RGS4: variants seen among roughly 807,000 people sequenced by gnomAD.
RGS4 encodes the protein schizophrenia disorder 9.
Under a neutral mutation model 21.6 loss-of-function variants are expected in RGS4, and 15 were observed. The observed-to-expected ratio is 0.69, with a 90% CI of 0.46 to 1.07. The LOEUF is 1.07. Among genes scored for constraint, RGS4 ranks in the 50% least tolerant of loss-of-function variants. RGS4 has a pLI of 0.00. For synonymous variants in RGS4, 94 were observed against 85.5 expected (o/e 1.10, Z -0.55); for missense variants, 237 against 239.0 (o/e 0.99, Z 0.06).
At position 163,072,464 on chromosome 1, in the gene RGS4, C is replaced by T. The variant is rs753123481; in HGVS notation, c.114C>T (p.Ser38=). 21 of 1,613,034 alleles carry T rather than the reference C, an allele frequency of 1.3e-5. No homozygotes were observed. In the Admixed American group the frequency reaches 3.5e-4, roughly 27 times the overall value. The change falls in exon 2 of 5, where the codon TCC becomes TCT. Residue 38 remains serine, a synonymous_variant. Transcript: ENST00000367909. ...CTGATTCCTGTGAACACAATTCTTC[C>T]CACAACAAGAAGGACAAAGTGGTTA... ...QKSDSCEHNS[S]HNKKDKVVIC... is the part of the protein sequence containing the mutation.
Position 163,072,514 on chromosome 1 carries a change from C to G in RGS4, c.149+15C>G. ...ATTTGCCAGAGGTAAGAGAAAAGGC[C>G]TTGGTGAAGATGTACTTAGTATTAA... is the stretch of plus-strand genomic sequence containing the variant. On this transcript the variant is annotated intron_variant, in intron 2 of 4. Coordinates refer to ENST00000367909, the MANE Select transcript of RGS4 (RefSeq NM_005613.6). 1 of 1,528,376 alleles carries G rather than the reference C, an allele frequency of 6.5e-7. No individual in the cohort carries two copies. Among genetic ancestry groups the G allele is most frequent in the Middle Eastern group, 1.7e-4 (1 of 5,882 alleles). 94.7% of individuals were successfully genotyped at this position (1,528,376 alleles called of 1,614,324 possible).
In RGS4 at chr1:163,076,374, T is replaced by A. The variant is rs1163300756; in HGVS notation, c.*1814T>A. The A allele has an allele frequency of 2.0e-5, 3 of 152,624 alleles. No homozygotes were observed. Among genetic ancestry groups the A allele is most frequent in the African/African-American group, 7.2e-5 (3 of 41,456 alleles). The allele number at this position is 152,624 out of a possible 1,614,324, so 9.5% of individuals were successfully genotyped here. On this transcript the variant is annotated 3_prime_UTR_variant, in exon 5 of 5. Transcript: ENST00000367909. ...TGTACCCTTCTTGTCTCTCTGGCAA[T>A]CTTGCCCTTAATATCCCTGGAGTTC... is the stretch of plus-strand genomic sequence containing the variant.
chr1:163,069,593 G>A (rs539878649), intron 1 of RGS4, 65 bp downstream of exon 1: 8 of 1,347,828 alleles, frequency 5.9e-6, no homozygotes, highest in Admixed American at 1.8e-5. Context: ...TTATTTACAT[G>A]TTGTACTTAC....
rs769645711 is a variant in RGS4, at chr1:163,074,620, C to T, written c.*60C>T. ...ACTCTATGCTCTGGAAAACCTGAGGCCAAATATTGATCTGTATTAAGCTCC... is the reference window on the plus strand; with the variant it reads ...ACTCTATGCTCTGGAAAACCTGAGGTCAAATATTGATCTGTATTAAGCTCC... On this transcript the variant is annotated 3_prime_UTR_variant, in exon 5 of 5. Coordinates refer to ENST00000367909, the MANE Select transcript of RGS4 (RefSeq NM_005613.6). 1.3e-5 allele frequency: 21 copies of T among 1,610,948 alleles called. No homozygotes were observed. The highest frequency in any genetic ancestry group is 1.1e-4 in the South Asian group (10 of 91,050).
intron 1 of RGS4, chr1:163,072,030 TA>T: frequency 1.0e-6 from 1 of 996,194 alleles, no homozygotes; most frequent in Non-Finnish European, 1.2e-6. Flanking sequence ...TTCTGATTCC[TA>T]AAAATTACTC....
intron 1 of RGS4, chr1:163,071,936 G>C (rs1328569145): frequency 2.1e-6 from 2 of 969,824 alleles, no homozygotes; most frequent in Non-Finnish European, 2.4e-6. Context: ...AGTTCCCTCT[G>C]CCAGCAGGGG....
At chr1:163,071,963 A>C in intron 1 of RGS4, 1 of 984,412 alleles carries the variant, frequency 1.0e-6, no homozygotes, top group Non-Finnish European at 1.2e-6. Context: ...TGGAAATAGC[A>C]ATCACCTGCC....
At chr1:163,069,248 TC>T (rs1352000839), upstream of RGS4, 1 of 1,547,336 alleles carries the variant, frequency 6.5e-7, no homozygotes, top group Admixed American at 2.0e-5. Flanking sequence ...CTCATCTCTT[TC>T]AGGGGCTGGA....
Position 163,073,556 on chromosome 1 carries a change from A to G in RGS4, c.312A>G (p.Pro104=). The change falls in exon 4 of 5, where the codon CCA becomes CCG. Residue 104 remains proline (P), a synonymous_variant. Coordinates refer to ENST00000367909, the MANE Select transcript of RGS4 (RefSeq NM_005613.6). ...SCEEYKKIKS[P]SKLSPKAKKI... ...AAGAGTACAAGAAAATCAAATCACC[A>G]TCTAAACTAAGTCCCAAGGCCAAAA... is the stretch of plus-strand genomic sequence containing the variant. 6.2e-7 allele frequency: 1 copy of G among 1,612,418 alleles called. No homozygotes were observed. Among genetic ancestry groups the G allele is most frequent in the Admixed American group, 1.7e-5 (1 of 59,618 alleles).
Position 163,075,102 on chromosome 1 carries a change from TACACACAC to T in RGS4, c.*563_*570del, listed in dbSNP as rs5778313. The T allele has an allele frequency of 0.018, 2,836 of 156,154 alleles. 70 individuals carry two copies. The highest frequency in any genetic ancestry group is 0.055 in the Admixed American group (919 of 16,608). 9.7% of individuals were successfully genotyped at this position (156,154 alleles called of 1,614,324 possible). A position where few individuals can be genotyped will look rare whatever the true frequency, so the allele number is the denominator to read the frequency against. On this transcript the variant is annotated 3_prime_UTR_variant, in exon 5 of 5. Coordinates refer to ENST00000367909, the MANE Select transcript of RGS4 (RefSeq NM_005613.6). ...ACATATGTATGTGTGAGTGTATGTA[TACACACAC>T]ACACACACACACACACACACTTTTG...
chr1:163,073,616 C>T lies in RGS4; in HGVS notation c.372C>T (p.Thr124=). 1 of 1,585,778 alleles carries T rather than the reference C, an allele frequency of 6.3e-7. No homozygotes were observed. ...IYNEFISVQA[T]KEVNLDSCTR... ...ATGAATTCATCTCAGTCCAGGCAAC[C>T]AAAGAGGTAGGTTTTTTATGGATAC... is the stretch of plus-strand genomic sequence containing the variant. Residue 124 remains threonine, a synonymous_variant, in exon 4 of 5, where the codon ACC becomes ACT. Coordinates refer to ENST00000367909, the MANE Select transcript of RGS4 (RefSeq NM_005613.6).
At position 163,075,139 on chromosome 1, in the gene RGS4, G is replaced by A; in HGVS notation, c.*579G>A. 6.0e-6 allele frequency: 1 copy of A among 166,350 alleles called. No individual in the cohort carries two copies. 10.3% of individuals were successfully genotyped at this position (166,350 alleles called of 1,614,324 possible). On this transcript the variant is annotated 3_prime_UTR_variant, in exon 5 of 5. Coordinates refer to ENST00000367909, the MANE Select transcript of RGS4 (RefSeq NM_005613.6). ...CACACACACACACACACTTTTGCAA[G>A]AGTGATGGGAAAGACCCTAGGTGCT...
intron 2 of RGS4, 115 bp downstream of exon 2, chr1:163,072,614 T>A (rs1655356878): frequency 1.1e-6 from 1 of 890,480 alleles, no homozygotes; most frequent in Non-Finnish European, 1.8e-6. Flanking sequence ...CAAGATAGCC[T>A]CCATTTTCAT....
Position 163,072,476 on chromosome 1 carries a change from G to A in RGS4, c.126G>A (p.Lys42=). ...SCEHNSSHNK[K]DKVVICQRVS... is the part of the protein sequence containing the mutation. ...AACACAATTCTTCCCACAACAAGAA[G>A]GACAAAGTGGTTATTTGCCAGAGGT... The change falls in exon 2 of 5, where the codon AAG becomes AAA. Residue 42 remains lysine, a synonymous_variant. Coordinates refer to ENST00000367909, the MANE Select transcript of RGS4 (RefSeq NM_005613.6). 2 of 1,612,552 alleles carry A rather than the reference G, an allele frequency of 1.2e-6. No homozygotes were observed. The highest frequency in any genetic ancestry group is 4.5e-5 in the East Asian group (2 of 44,760).
chr1:163,073,869 A>G (rs148717745), intron 4 of RGS4: 1 of 414,756 alleles, frequency 2.4e-6, no homozygotes, highest in East Asian at 4.0e-5. Flanking sequence ...TATTCCCTCT[A>G]CCCAACTTTC....
At chr1:163,071,402 T>C (rs1195704096) in intron 1 of RGS4, among the ~76,000 whole-genome samples, 1 of 152,162 alleles carries the variant, frequency 6.6e-6, no homozygotes, top group Non-Finnish European at 1.5e-5. Flanking sequence ...TAGACACATT[T>C]AGTTATTCAT....
At position 163,072,850 on chromosome 1, in the gene RGS4, C is replaced by T; in HGVS notation, c.195C>T (p.Asn65=). 4 of 1,613,028 alleles carry T rather than the reference C, an allele frequency of 2.5e-6. No homozygotes were observed. Among genetic ancestry groups the T allele is most frequent in the Non-Finnish European group, 2.5e-6 (3 of 1,179,408 alleles). ...EVKKWAESLE[N]LISHECGLAA... is the part of the protein sequence containing the mutation. ...AGAAATGGGCTGAATCACTGGAAAA[C>T]CTGATTAGTCATGAATGTAAGTCTG... Residue 65 remains asparagine (N), a synonymous_variant, in exon 3 of 5, where the codon AAC becomes AAT. Coordinates refer to ENST00000367909, the MANE Select transcript of RGS4 (RefSeq NM_005613.6).
In RGS4 at chr1:163,073,569, C is replaced by T. The variant is rs1655394116; in HGVS notation, c.325C>T (p.Pro109Ser). 3 of 1,611,122 alleles carry T rather than the reference C, an allele frequency of 1.9e-6. No individual in the cohort carries two copies. The highest frequency in any genetic ancestry group is 2.5e-6 in the Non-Finnish European group (3 of 1,179,016). Residue 109 changes from proline (P) to serine (S), a missense_variant, in exon 4 of 5, where the codon CCC becomes TCC. By Grantham distance (74) the Pro-to-Ser change is moderately conservative. Transcript: ENST00000367909. ...KKIKSPSKLS[P>S]KAKKIYNEFI... ...AATCAAATCACCATCTAAACTAAGT[C>T]CCAAGGCCAAAAAGATCTATAATGA...
At position 163,074,145 on chromosome 1, in the gene RGS4, CAT is replaced by C. The variant is rs1426904573; in HGVS notation, c.379-175_379-174del. ...CTGCTCTCTCTAAAGCAGAAAGGTTCATTCTGAACCTTTCATACTCTCTCACA... is the reference window on the plus strand; with the variant it reads ...CTGCTCTCTCTAAAGCAGAAAGGTTCTCTGAACCTTTCATACTCTCTCACA... On this transcript the variant is annotated intron_variant, in intron 4 of 4. Coordinates refer to ENST00000367909, the MANE Select transcript of RGS4 (RefSeq NM_005613.6). 8.3e-6 allele frequency: 6 copies of C among 719,284 alleles called. No homozygotes were observed. The African/African-American group carries it at 1.1e-4, about 13-fold the overall frequency. 44.6% of individuals were successfully genotyped at this position (719,284 alleles called of 1,614,324 possible). A position where few individuals can be genotyped will look rare whatever the true frequency, so the allele number is the denominator to read the frequency against.
Sources: allele counts gnomAD v4.1 joint callset (sites outside exome capture counted in the v4.1 genomes callset), GRCh38; gene constraint gnomAD v4.1.1; transcripts MANE v1.5; gene names NCBI Gene and HGNC (gene_info 2026-07-23, HGNC 2026-07-21).